ALK: variants seen among roughly 807,000 people sequenced by gnomAD.
ALK encodes ALK receptor tyrosine kinase, also known as ALK tyrosine kinase receptor.
A neutral mutation model predicts 163.1 loss-of-function variants in ALK; 74 were observed. The ratio of observed to expected loss-of-function variants is 0.45; its 90% confidence interval spans 0.38 to 0.55. ALK has a LOEUF of 0.55. Ranked by LOEUF, ALK falls within the 20% of genes least tolerant of loss-of-function variation. ALK has a pLI of 0.00. For missense variants in ALK, 2,063 were observed against 2,105.3 expected, an observed-to-expected ratio of 0.98 and a Z score of 0.39; for synonymous variants, 960 against 843.2, an observed-to-expected ratio of 1.14 and a Z score of -2.40.
At chr2:29,564,924 A>C (rs920933683) in intron 3 of ALK, among the ~76,000 whole-genome samples, 1 of 152,212 alleles carries the variant, frequency 6.6e-6, no homozygotes, top group African/African-American at 2.4e-5. Context: ...CCAGGCTTGC[A>C]GGCCAGTTAT....
At chr2:29,666,836 C>A (rs1314842361) in intron 3 of ALK, among the ~76,000 whole-genome samples, 1 of 151,906 alleles carries the variant, frequency 6.6e-6, no homozygotes, top group African/African-American at 2.4e-5. Context: ...TTCCCCTTCA[C>A]CCCCCTTCTC....
intron 1 of ALK, among the ~76,000 whole-genome samples, chr2:29,825,805 C>G (rs1041053298): frequency 6.6e-6 from 1 of 151,832 alleles, no homozygotes; most frequent in Non-Finnish European, 1.5e-5. Flanking sequence ...CAGAGATGAT[C>G]TGAACTTGGA....
rs116282983 is a variant in ALK, at chr2:29,784,843, A to G, written c.668-67146T>C. Among the ~76,000 whole-genome samples the G allele has an allele frequency of 5.9e-3, 891 of 152,144 alleles. 9 individuals carry two copies. The highest frequency in any genetic ancestry group is 0.02 in the African/African-American group (848 of 41,510). ...ATTACGTTATAGTGCCTCCTAAACC[A>G]TTCTCCCTGTTGTTTAGCAAGAGAT... On this transcript the variant is annotated intron_variant, in intron 1 of 28. Transcript: ENST00000389048.
chr2:29,832,056 T>A (rs1665436517), intron 1 of ALK, among the ~76,000 whole-genome samples: 2 of 152,212 alleles, frequency 1.3e-5, no homozygotes, highest in South Asian at 4.1e-4. Context: ...CAGGTGAGTC[T>A]TCACCATGAC....
In ALK at chr2:29,486,747, G is replaced by A. The variant is rs527607827; in HGVS notation, c.1154+45168C>T. 7.2e-5 allele frequency among the ~76,000 whole-genome samples: 11 copies of A among 152,258 alleles called. No individual in the cohort carries two copies. In the South Asian group the frequency reaches 2.1e-3, roughly 29 times the overall value. On this transcript the variant is annotated intron_variant, in intron 4 of 28. Coordinates refer to ENST00000389048, the MANE Select transcript of ALK (RefSeq NM_004304.5). Reference sequence around the variant, plus strand: ...TTCTCTTTGAATATTATTTATGAGGGATAATTTACTGATATTGTGGTTACC... The same window carrying A: ...TTCTCTTTGAATATTATTTATGAGGAATAATTTACTGATATTGTGGTTACC...
chr2:29,813,871 T>C (rs1276469236), intron 1 of ALK, among the ~76,000 whole-genome samples: 4 of 152,242 alleles, frequency 2.6e-5, no homozygotes, highest in Non-Finnish European at 4.4e-5. Flanking sequence ...CCAGAATGAA[T>C]AGAATTTTAG....
chr2:29,704,279 C>T (rs1678833565), intron 2 of ALK, among the ~76,000 whole-genome samples: 1 of 152,282 alleles, frequency 6.6e-6, no homozygotes, highest in East Asian at 1.9e-4. Context: ...TCAGTGGCCA[C>T]TAATCTTGAG....
intron 1 of ALK, among the ~76,000 whole-genome samples, chr2:29,791,276 T>A (rs971821906): frequency 6.6e-6 from 1 of 152,144 alleles, no homozygotes; most frequent in African/African-American, 2.4e-5. Flanking sequence ...GTGGCACATA[T>A]ACACCATGGA....
intron 11 of ALK, among the ~76,000 whole-genome samples, chr2:29,271,738 T>A (rs1050682036): frequency 3.9e-5 from 6 of 152,230 alleles, no homozygotes; most frequent in Non-Finnish European, 8.8e-5. Flanking sequence ...TTTAGTCCAG[T>A]GCTTTTCCCA....
rs1207826668 is a variant in ALK at position 29,227,804 on chromosome 2, G to A, written c.2816-132C>T. 59 of 701,642 alleles carry A rather than the reference G, an allele frequency of 8.4e-5. No individual in the cohort carries two copies. The South Asian group carries it at 9.0e-4, about 11-fold the overall frequency. 43.5% of individuals were successfully genotyped at this position (701,642 alleles called of 1,614,324 possible). A position where few individuals can be genotyped will look rare whatever the true frequency, so the allele number is the denominator to read the frequency against. On this transcript the variant is annotated intron_variant, in intron 16 of 28. Transcript: ENST00000389048. The surrounding 1 kb of genome is among the most constrained non-coding windows in gnomAD (Gnocchi z 4.4). Reference sequence around the variant, plus strand: ...CTGGGGACCTCAGGGGCAGGGATGCGGGGAGGGAAGGGAGGCTCAGGGCAC... The same window carrying A: ...CTGGGGACCTCAGGGGCAGGGATGCAGGGAGGGAAGGGAGGCTCAGGGCAC...
At chr2:29,223,238 G>A (rs1669854868) in intron 20 of ALK, 104 bp downstream of exon 20, 1 of 1,285,064 alleles carries the variant, frequency 7.8e-7, no homozygotes. Context: ...CCCATAGGGA[G>A]GGCTCTGCCG....
At chr2:29,602,968 T>A (rs924232389) in intron 3 of ALK, among the ~76,000 whole-genome samples, 2 of 152,186 alleles carry the variant, frequency 1.3e-5, no homozygotes, top group Non-Finnish European at 2.9e-5. Flanking sequence ...ACGTAAGATA[T>A]ACATTGATTC....
intron 1 of ALK, among the ~76,000 whole-genome samples, chr2:29,857,329 A>G (rs1185061511): frequency 6.6e-6 from 1 of 152,206 alleles, no homozygotes; most frequent in Non-Finnish European, 1.5e-5. Context: ...CAGGGAATTC[A>G]TCTGGGAGTC....
chr2:29,437,925 T>C (rs1322536955), intron 4 of ALK, among the ~76,000 whole-genome samples: 1 of 152,238 alleles, frequency 6.6e-6, no homozygotes, highest in Non-Finnish European at 1.5e-5. Context: ...TTTATACCCA[T>C]TATTTTATTC....
chr2:29,767,972 T>C (rs536664568), intron 1 of ALK, among the ~76,000 whole-genome samples: 1 of 152,386 alleles, frequency 6.6e-6, no homozygotes, highest in South Asian at 2.1e-4. Flanking sequence ...AAATGACTTG[T>C]TACTGTCCGG....
chr2:29,534,395 T>C (rs1673200179), intron 3 of ALK, among the ~76,000 whole-genome samples: 1 of 152,212 alleles, frequency 6.6e-6, no homozygotes, highest in Admixed American at 6.5e-5. Flanking sequence ...GTAGTGTGTA[T>C]CTGTGCAGAG....
intron 2 of ALK, among the ~76,000 whole-genome samples, chr2:29,715,479 G>A (rs1395964541): frequency 1.3e-5 from 2 of 152,186 alleles, no homozygotes; most frequent in Non-Finnish European, 2.9e-5. Flanking sequence ...ATGAAGCTCA[G>A]GGAGCACCAC....
chr2:29,328,778 GT>G (rs1342468746), intron 5 of ALK, among the ~76,000 whole-genome samples: 1 of 152,154 alleles, frequency 6.6e-6, no homozygotes, highest in African/African-American at 2.4e-5. Flanking sequence ...CTCCTCGGGG[GT>G]CCTCAAACCC....
intron 1 of ALK, among the ~76,000 whole-genome samples, chr2:29,776,966 A>T (rs1681193571): frequency 6.6e-6 from 1 of 152,146 alleles, no homozygotes; most frequent in Non-Finnish European, 1.5e-5. Flanking sequence ...GAACCCCAGA[A>T]ACAAGGGTTC....
Sources: allele counts gnomAD v4.1 joint callset (sites outside exome capture counted in the v4.1 genomes callset), GRCh38; gene constraint gnomAD v4.1.1; non-coding constraint Gnocchi (gnomAD v3.1); transcripts MANE v1.5; gene names NCBI Gene and HGNC (gene_info 2026-07-23, HGNC 2026-07-21).